Variants in TFDP2 observed in about 807,000 individuals in gnomAD.
TFDP2 encodes the protein transcription factor Dp-2 (E2F dimerization partner 2).
Under a neutral mutation model 59.3 loss-of-function variants are expected in TFDP2, and 17 were observed. That is an observed-to-expected ratio of 0.29 (90% CI 0.20 to 0.43). The LOEUF (loss-of-function observed/expected upper bound fraction) is 0.43. Ranked by LOEUF, TFDP2 falls within the 20% of genes least tolerant of loss-of-function variation. The probability of loss-of-function intolerance (pLI) is 1.00; values close to 1 mark genes in which losing one functional copy is unlikely to be tolerated. For missense variants in TFDP2, 391 were observed against 528.8 expected (o/e 0.74, Z 2.56); for synonymous variants, 180 against 194.7 (o/e 0.92, Z 0.63).
intron 3 of TFDP2, chr3:142,054,161 GA>G (rs1443797179): frequency 6.6e-6 from 1 of 152,148 alleles, no homozygotes; most frequent in Non-Finnish European, 1.5e-5. Context: ...TTAGAGAGAT[GA>G]AAACTTATGT....
At chr3:142,046,815 T>C (rs1479864332) in intron 3 of TFDP2, among the ~76,000 whole-genome samples, 1 of 152,134 alleles carries the variant, frequency 6.6e-6, no homozygotes, top group Admixed American at 6.6e-5. Context: ...TTTGTGTATA[T>C]TCCCAAATTT....
intron 1 of TFDP2, among the ~76,000 whole-genome samples, chr3:142,141,089 C>T (rs902250683): frequency 1.3e-5 from 2 of 152,206 alleles, no homozygotes; most frequent in Non-Finnish European, 2.9e-5. Flanking sequence ...ACACCCCTCC[C>T]CCAACCCGGC....
chr3:142,065,259 C>T (rs1465504421), intron 3 of TFDP2, among the ~76,000 whole-genome samples: 1 of 151,926 alleles, frequency 6.6e-6, no homozygotes, highest in Non-Finnish European at 1.5e-5. Flanking sequence ...AAGCAATCAT[C>T]CCAGTTCAGC....
chr3:142,002,327 T>TTTG (rs1352252544), intron 4 of TFDP2, among the ~76,000 whole-genome samples: 1 of 148,146 alleles, frequency 6.8e-6, no homozygotes, highest in Non-Finnish European at 1.5e-5. Context: ...GTTTTTTTTT[T>TTTG]TTTTTTTTTT....
chr3:141,959,971 A>G, intron 10 of TFDP2, 131 bp from the exon 11 acceptor site: 1 of 773,800 alleles, frequency 1.3e-6, no homozygotes, highest in Non-Finnish European at 2.0e-6. Context: ...TACCATTTAG[A>G]GAGCCATGAG....
At chr3:141,997,827 G>C (rs1185247740) in intron 4 of TFDP2, among the ~76,000 whole-genome samples, 2 of 139,084 alleles carry the variant, frequency 1.4e-5, no homozygotes, top group Non-Finnish European at 1.5e-5. Flanking sequence ...TCCAGCCTGG[G>C]CGACAGAGTG....
At chr3:142,007,586 ATTTC>A (rs758173557) in intron 3 of TFDP2, among the ~76,000 whole-genome samples, 11 of 152,228 alleles carry the variant, frequency 7.2e-5, no homozygotes, top group Admixed American at 1.3e-4. Context: ...TGTGCACTTT[ATTTC>A]TATTATTATT....
At chr3:142,011,446 G>T (rs557498132) in intron 3 of TFDP2, among the ~76,000 whole-genome samples, 5 of 107,562 alleles carry the variant, frequency 4.6e-5, no homozygotes, top group Non-Finnish European at 9.6e-5. Context: ...GTGGTGGGGT[G>T]GGGGGAGGGG....
rs1378448411 is a variant in TFDP2, at chr3:142,091,855, G to A, written c.82+1206C>T. Among the ~76,000 whole-genome samples the A allele has an allele frequency of 2.6e-5, 4 of 152,232 alleles. No homozygotes were observed. In the East Asian group the frequency reaches 7.7e-4, roughly 29 times the overall value. On this transcript the variant is annotated intron_variant, in intron 3 of 12. Coordinates refer to ENST00000489671, the MANE Select transcript of TFDP2 (RefSeq NM_001178139.2). ...TCCTATGAGAATCTAATGCTCACTT[G>A]CTGGCCGCTCACCTTCTGCTATGCA... is the stretch of plus-strand genomic sequence containing the variant.
At chr3:142,124,039 T>C (rs2108705106) in intron 1 of TFDP2, among the ~76,000 whole-genome samples, 1 of 151,574 alleles carries the variant, frequency 6.6e-6, no homozygotes, top group Non-Finnish European at 1.5e-5. Flanking sequence ...CTCATTTACA[T>C]AGAAAAAAAC....
At chr3:141,953,785 C>T (rs1936217176) in intron 11 of TFDP2, among the ~76,000 whole-genome samples, 1 of 108,268 alleles carries the variant, frequency 9.2e-6, no homozygotes, top group Admixed American at 1.3e-4. Context: ...CTCCCCCCTC[C>T]CCCCACCCCA....
At position 141,945,459 on chromosome 3, in the gene TFDP2, T is replaced by A. The variant is rs1447422628; in HGVS notation, c.*7054A>T. On this transcript the variant is annotated 3_prime_UTR_variant, in exon 13 of 13. Coordinates refer to ENST00000489671, the MANE Select transcript of TFDP2 (RefSeq NM_001178139.2). Reference sequence around the variant, plus strand: ...ACCTCTTTTGTCCAAAACTCAAGAGTGATGGTGGTGAACCAAGTGCGTGAA... The same window carrying A: ...ACCTCTTTTGTCCAAAACTCAAGAGAGATGGTGGTGAACCAAGTGCGTGAA... 2 of 151,920 alleles carry A rather than the reference T, an allele frequency of 1.3e-5. No individual in the cohort carries two copies. Among genetic ancestry groups the A allele is most frequent in the Middle Eastern group, 3.4e-3 (1 of 296 alleles). The allele number at this position is 151,920 out of a possible 1,614,324, so 9.4% of individuals were successfully genotyped here. A position where few individuals can be genotyped will look rare whatever the true frequency, so the allele number is the denominator to read the frequency against.
chr3:142,050,618 C>T (rs144920273), intron 3 of TFDP2, among the ~76,000 whole-genome samples: 16 of 152,236 alleles, frequency 1.1e-4, no homozygotes, highest in African/African-American at 3.1e-4. Flanking sequence ...ATGGTATGAA[C>T]CTGGGAGGCA....
At chr3:141,976,297 T>C (rs1450565134) in intron 7 of TFDP2, among the ~76,000 whole-genome samples, 1 of 152,150 alleles carries the variant, frequency 6.6e-6, no homozygotes, top group Admixed American at 6.5e-5. Context: ...AACCAATAGA[T>C]ACTGTCTACA....
At chr3:142,147,057 T>TTA (rs1297700937) in intron 1 of TFDP2, among the ~76,000 whole-genome samples, 1 of 78,370 alleles carries the variant, frequency 1.3e-5, no homozygotes, top group East Asian at 2.5e-4. Flanking sequence ...AAACCCTGTC[T>TTA]CAAAAAAAAA....
At chr3:142,086,602 G>A (rs2060817655) in intron 3 of TFDP2, among the ~76,000 whole-genome samples, 1 of 152,082 alleles carries the variant, frequency 6.6e-6, no homozygotes. Flanking sequence ...GGTATGGAAG[G>A]GCTCCAAGCT....
chr3:142,118,237 A>G (rs1315001337), intron 1 of TFDP2, among the ~76,000 whole-genome samples: 1 of 152,196 alleles, frequency 6.6e-6, no homozygotes, highest in Non-Finnish European at 1.5e-5. Context: ...CCTTCACAAA[A>G]GAGAGCACAC....
At chr3:142,132,093 CA>C (rs774598425) in intron 1 of TFDP2, among the ~76,000 whole-genome samples, 19 of 148,988 alleles carry the variant, frequency 1.3e-4, no homozygotes, top group Non-Finnish European at 2.8e-4. Context: ...ATACATAATC[CA>C]AATGTCCACC....
At chr3:142,008,604 T>C (rs2108281993) in intron 3 of TFDP2, among the ~76,000 whole-genome samples, 1 of 152,220 alleles carries the variant, frequency 6.6e-6, no homozygotes, top group East Asian at 1.9e-4. Flanking sequence ...TCCTACCTAC[T>C]AGCACTTCAA....
Sources: gnomAD v4.1 joint callset for allele counts (sites outside exome capture counted in the v4.1 genomes callset) on GRCh38, gnomAD v4.1.1 for gene constraint, MANE v1.5 for transcripts, NCBI Gene and HGNC (gene_info 2026-07-23, HGNC 2026-07-21) for gene names.